The following DAB2IP variants were observed in gnomAD, a reference collection of about 807,000 sequenced individuals.
DAB2IP encodes the protein disabled homolog 2-interacting protein.
DAB2IP carries 28 observed loss-of-function variants against 107.2 expected under a neutral mutation model. The observed-to-expected ratio is 0.26, with a 90% CI of 0.19 to 0.36. The LOEUF (loss-of-function observed/expected upper bound fraction) is 0.36. DAB2IP is among the 10% of genes least tolerant of loss of function. DAB2IP has a pLI of 1.00. For missense variants in DAB2IP, 1,400 were observed against 1,644.7 expected, an observed-to-expected ratio of 0.85 and a Z score of 2.57; for synonymous variants, 755 against 706.4, an observed-to-expected ratio of 1.07 and a Z score of -1.09.
chr9:121,706,569 C>T (rs765697929), intron 3 of DAB2IP, among the ~76,000 whole-genome samples: 2 of 152,156 alleles, frequency 1.3e-5, no homozygotes, highest in African/African-American at 2.4e-5. Flanking sequence ...ATGGGCAAGC[C>T]GTGGTTCCTC....
At chr9:121,572,104 A>G (rs1020348583) in intron 1 of DAB2IP, among the ~76,000 whole-genome samples, 18 of 152,150 alleles carry the variant, frequency 1.2e-4, no homozygotes, top group African/African-American at 4.1e-4. Context: ...GGGGCAAGAC[A>G]GAGGCCTGGC....
intron 1 of DAB2IP, among the ~76,000 whole-genome samples, chr9:121,569,495 G>A (rs955574901): frequency 2.0e-5 from 3 of 152,216 alleles, no homozygotes; most frequent in Non-Finnish European, 4.4e-5. Context: ...TAGACAAGGT[G>A]ACTCACACAA....
rs1024950839 is a variant in DAB2IP, at chr9:121,684,603, G to A, written c.228+5822G>A. Reference sequence around the variant, plus strand: ...TAGAGGGACCCGAAGTTTGGGCTGCGGGCTGCCTGAAGGAGGAATGCATGA... The same window carrying A: ...TAGAGGGACCCGAAGTTTGGGCTGCAGGCTGCCTGAAGGAGGAATGCATGA... On this transcript the variant is annotated intron_variant, in intron 2 of 15. Coordinates refer to ENST00000408936, the Ensembl canonical transcript of DAB2IP. This position sits in a 1 kb window ranked among gnomAD's most constrained non-coding sequence, Gnocchi z 4.0. 5.9e-5 allele frequency among the ~76,000 whole-genome samples: 9 copies of A among 152,218 alleles called. No homozygotes were observed. The highest frequency in any genetic ancestry group is 1.9e-4 in the African/African-American group (8 of 41,458).
chr9:121,771,547 C>A (rs574097608), intron 11 of DAB2IP, among the ~76,000 whole-genome samples: 1 of 152,142 alleles, frequency 6.6e-6, no homozygotes, highest in East Asian at 1.9e-4. Context: ...TGCATTGGGT[C>A]TGTTCAGTGA....
At chr9:121,769,542 A>G (rs1834543268) in intron 10 of DAB2IP, among the ~76,000 whole-genome samples, 1 of 152,182 alleles carries the variant, frequency 6.6e-6, no homozygotes, top group South Asian at 2.1e-4. Context: ...TATGAATGCT[A>G]TTTATTTCAC....
intron 3 of DAB2IP, among the ~76,000 whole-genome samples, chr9:121,717,443 G>A (rs1249248538): frequency 1.3e-5 from 2 of 152,232 alleles, no homozygotes; most frequent in Admixed American, 6.5e-5. Flanking sequence ...TATTTAACGC[G>A]CTTGCTGTAG....
At chr9:121,686,153 T>G (rs1828867153) in intron 2 of DAB2IP, among the ~76,000 whole-genome samples, 1 of 152,106 alleles carries the variant, frequency 6.6e-6, no homozygotes, top group Non-Finnish European at 1.5e-5. Flanking sequence ...GCAAATTGCT[T>G]TTCTCAAGCA....
chr9:121,604,198 A>AG (rs1830790625), intron 1 of DAB2IP, among the ~76,000 whole-genome samples: 1 of 152,134 alleles, frequency 6.6e-6, no homozygotes, highest in Non-Finnish European at 1.5e-5. Context: ...CCAGGAGACA[A>AG]GGGGGACATG....
In DAB2IP at chr9:121,737,113, G is replaced by A. The variant is rs1057402222; in HGVS notation, c.363-19900G>A. 34 of 892,900 alleles carry A rather than the reference G, an allele frequency of 3.8e-5. No homozygotes were observed. In the Middle Eastern group the frequency reaches 1.7e-3, roughly 45 times the overall value. The allele number at this position is 892,900 out of a possible 1,614,324, so 55.3% of individuals were successfully genotyped here. A position where few individuals can be genotyped will look rare whatever the true frequency, so the allele number is the denominator to read the frequency against. ...CTTGGGGCAGGATATGACCTTGGGC[G>A]GAGTCAGTATGTTAGGGGAGGAGCC... On this transcript the variant is annotated intron_variant, in intron 3 of 15. Transcript: ENST00000408936.
chr9:121,740,168 C>T (rs986335702), intron 3 of DAB2IP, among the ~76,000 whole-genome samples: 2 of 152,104 alleles, frequency 1.3e-5, no homozygotes, highest in African/African-American at 4.8e-5. Flanking sequence ...AGGGAGGGGC[C>T]TGAATGTTCT....
At position 121,583,474 on chromosome 9, in the gene DAB2IP, A is replaced by G. The variant is rs147730361; in HGVS notation, c.40+16246A>G. Among the ~76,000 whole-genome samples the G allele has an allele frequency of 1.2e-3, 179 of 152,338 alleles. 5 individuals are homozygous for G. The East Asian group carries it at 0.028, about 23-fold the overall frequency. On this transcript the variant is annotated intron_variant, in intron 1 of 16. Transcript: ENST00000259371. Reference sequence around the variant, plus strand: ...AGGGGAGGAGCCGGCTCTTCTGGCCACTGAGGAACGTGCCAGAACAGACAG... The same window carrying G: ...AGGGGAGGAGCCGGCTCTTCTGGCCGCTGAGGAACGTGCCAGAACAGACAG...
chr9:121,750,321 G>GCA (rs1491063856), intron 3 of DAB2IP, among the ~76,000 whole-genome samples: 3 of 151,570 alleles, frequency 2.0e-5, no homozygotes, highest in South Asian at 2.1e-4. Flanking sequence ...TCACTTGTGT[G>GCA]CGCGCGCGCG....
chr9:121,779,213 T>G (rs996529001), intron 14 of DAB2IP, among the ~76,000 whole-genome samples: 2 of 152,258 alleles, frequency 1.3e-5, no homozygotes, highest in African/African-American at 2.4e-5. Context: ...ATTTTTCACC[T>G]CTTAGAATTT....
At chr9:121,749,827 G>A (rs962895237) in intron 3 of DAB2IP, among the ~76,000 whole-genome samples, 2 of 152,210 alleles carry the variant, frequency 1.3e-5, no homozygotes, top group Admixed American at 6.5e-5. Flanking sequence ...CGTTTGAGTC[G>A]TCACGGGACA....
At chr9:121,695,883 T>G (rs1192063871) in intron 2 of DAB2IP, among the ~76,000 whole-genome samples, 1 of 152,220 alleles carries the variant, frequency 6.6e-6, no homozygotes, top group African/African-American at 2.4e-5. Context: ...GTTTTTTGTT[T>G]TTTTGAGATG....
intron 1 of DAB2IP, among the ~76,000 whole-genome samples, chr9:121,573,939 C>G (rs980027405): frequency 1.3e-5 from 2 of 152,120 alleles, no homozygotes; most frequent in African/African-American, 4.8e-5. Context: ...TCCCGGGGAG[C>G]GTTCACTGAA....
intron 1 of DAB2IP, among the ~76,000 whole-genome samples, chr9:121,608,748 G>A (rs980937749): frequency 1.3e-5 from 2 of 152,146 alleles, no homozygotes; most frequent in Non-Finnish European, 2.9e-5. Flanking sequence ...ATTACTTTAT[G>A]GTGTTTGACA....
At chr9:121,741,337 A>G (rs1351642998) in intron 3 of DAB2IP, among the ~76,000 whole-genome samples, 2 of 152,170 alleles carry the variant, frequency 1.3e-5, no homozygotes, top group African/African-American at 4.8e-5. Flanking sequence ...ATCACATGCC[A>G]TGACCACACG....
At chr9:121,581,301 G>A (rs535066734) in intron 1 of DAB2IP, among the ~76,000 whole-genome samples, 2 of 152,292 alleles carry the variant, frequency 1.3e-5, no homozygotes, top group South Asian at 4.1e-4. Flanking sequence ...TCAGCCTCCA[G>A]TTCCCTGTTT....
Sources: gnomAD v4.1 joint callset for allele counts (sites outside exome capture counted in the v4.1 genomes callset) on GRCh38, gnomAD v4.1.1 for gene constraint, Gnocchi (gnomAD v3.1) non-coding constraint, MANE v1.5 for transcripts, NCBI Gene and HGNC (gene_info 2026-07-23, HGNC 2026-07-21) for gene names.